PIWIL2: variants seen among roughly 807,000 people sequenced by gnomAD.
PIWIL2 encodes piwi-like protein 2.
In PIWIL2, 81 loss-of-function variants were observed where a neutral mutation model predicts 116.5. The ratio of observed to expected loss-of-function variants is 0.70; its 90% CI spans 0.58 to 0.84. The LOEUF (loss-of-function observed/expected upper bound fraction) is 0.84, where lower values mean the gene tolerates loss of function less well. Among genes scored for constraint, PIWIL2 ranks in the 40% least tolerant of loss-of-function variants. PIWIL2 has a pLI of 0.00. For synonymous variants in PIWIL2, 489 were observed against 429.5 expected (o/e 1.14, Z -1.71); for missense variants, 1,272 against 1,212.3 (o/e 1.05, Z -0.73).
intron 20 of PIWIL2, among the ~76,000 whole-genome samples, chr8:22,322,494 C>A (rs1359354776): frequency 6.6e-6 from 1 of 152,024 alleles, no homozygotes. Context: ...TCTCAAACTC[C>A]TGGCCTCAAG....
In PIWIL2 at chr8:22,353,204, C is replaced by G. The variant is rs1158060505; in HGVS notation, c.2649C>G (p.Ser883Arg). 6.2e-7 allele frequency: 1 copy of G among 1,610,538 alleles called. No individual in the cohort carries two copies. Among genetic ancestry groups the G allele is most frequent in the Admixed American group, 1.7e-5 (1 of 59,924 alleles). Residue 883 changes from serine (S) to arginine (R), a missense_variant, in exon 21 of 23, where the codon AGC becomes AGG. Ser to Arg is a moderately radical substitution (Grantham distance 110). Coordinates refer to ENST00000356766, the MANE Select transcript of PIWIL2 (RefSeq NM_018068.5). ...CTGTGGTAGATCATACAATAACAAG[C>G]TGTGAGTGGTAAGTGAGCAAAATAT... ...PGTVVDHTIT[S>R]CEWVDFYLLA...
intron 22 of PIWIL2, 21 bp downstream of exon 22, chr8:22,354,399 C>G (rs759892510): frequency 7.0e-7 from 1 of 1,438,178 alleles, no homozygotes; most frequent in Admixed American, 1.7e-5. Context: ...CAGTAACTTA[C>G]TCTTTCTCTT....
intron 20 of PIWIL2, among the ~76,000 whole-genome samples, chr8:22,348,200 C>T (rs1232145722): frequency 1.3e-5 from 2 of 151,540 alleles, no homozygotes; most frequent in South Asian, 2.1e-4. Context: ...ACTCGGGGGC[C>T]GAGGCAGGAG....
chr8:22,304,765 T>C lies in PIWIL2; in HGVS notation c.1371-19T>C, dbSNP rs377516778. The C allele has an allele frequency of 2.6e-6, 4 of 1,554,446 alleles. No individual in the cohort carries two copies. The African/African-American group carries it at 5.4e-5, about 21-fold the overall frequency. On this transcript the variant is annotated intron_variant, in intron 11 of 22. Coordinates refer to ENST00000356766, the MANE Select transcript of PIWIL2 (RefSeq NM_018068.5). ...TGATGCTGCTTCTGAAATTTTTTCCTGCCTCTACTCTGCTCTAGCAAAAAT... is the reference window on the plus strand; with the variant it reads ...TGATGCTGCTTCTGAAATTTTTTCCCGCCTCTACTCTGCTCTAGCAAAAAT...
At chr8:22,318,375 T>C in intron 20 of PIWIL2, 100 bp downstream of exon 20, 1 of 654,768 alleles carries the variant, frequency 1.5e-6, no homozygotes, top group South Asian at 1.9e-5. Context: ...TGGAGTGCAG[T>C]GGTGCGATCT....
At chr8:22,288,320 T>C (rs1830677796) in intron 7 of PIWIL2, among the ~76,000 whole-genome samples, 1 of 133,092 alleles carries the variant, frequency 7.5e-6, no homozygotes, top group African/African-American at 2.6e-5. Context: ...AAAAAAAAAT[T>C]GCAAATGTAA....
At chr8:22,336,741 A>G (rs1326845722) in intron 20 of PIWIL2, among the ~76,000 whole-genome samples, 1 of 152,198 alleles carries the variant, frequency 6.6e-6, no homozygotes, top group African/African-American at 2.4e-5. Flanking sequence ...CCCTGTCTCT[A>G]AAAATAATAT....
chr8:22,354,688 A>G (rs1157804957), intron 22 of PIWIL2, among the ~76,000 whole-genome samples: 1 of 152,216 alleles, frequency 6.6e-6, no homozygotes, highest in Non-Finnish European at 1.5e-5. Context: ...CGTTGAGTTC[A>G]GATTATATAA....
intron 16 of PIWIL2, 56 bp downstream of exon 16, chr8:22,311,356 CTTAATT>C: frequency 7.2e-7 from 1 of 1,389,964 alleles, no homozygotes; most frequent in African/African-American, 1.4e-5. Context: ...TACTTAAATA[CTTAATT>C]TTAATGTATC....
At chr8:22,324,123 G>A (rs558190725) in intron 20 of PIWIL2, among the ~76,000 whole-genome samples, 43 of 152,226 alleles carry the variant, frequency 2.8e-4, no homozygotes, top group African/African-American at 8.7e-4. Flanking sequence ...TTAGCTGGGC[G>A]TGGTGGTGGG....
At chr8:22,343,762 A>G (rs1035275683) in intron 20 of PIWIL2, among the ~76,000 whole-genome samples, 4 of 152,092 alleles carry the variant, frequency 2.6e-5, no homozygotes, top group Admixed American at 6.5e-5. Flanking sequence ...GTGTAGAGCC[A>G]TAGGAACGCT....
chr8:22,334,916 G>A (rs571073390), intron 20 of PIWIL2, among the ~76,000 whole-genome samples: 9 of 151,908 alleles, frequency 5.9e-5, no homozygotes, highest in East Asian at 2.0e-4. Context: ...TTAGGTGGGC[G>A]TGGTGGCGGG....
intron 20 of PIWIL2, among the ~76,000 whole-genome samples, chr8:22,333,255 G>A (rs1326047394): frequency 6.6e-6 from 1 of 152,152 alleles, no homozygotes; most frequent in East Asian, 1.9e-4. Flanking sequence ...TCAACAGCAA[G>A]CAATACCTAA....
In PIWIL2 at chr8:22,333,605, T is replaced by A. The variant is rs569452376; in HGVS notation, c.2403+15330T>A. Among the ~76,000 whole-genome samples, 65 of 152,116 alleles carry A rather than the reference T, an allele frequency of 4.3e-4. 2 individuals are homozygous for A. Among genetic ancestry groups the A allele is most frequent in the African/African-American group, 1.6e-3 (65 of 41,448 alleles). ...CCAGCCTGGGCAACAAGAGCGAGAC[T>A]CTGTCTCAAAAAACAAACAAAAAAA... On this transcript the variant is annotated intron_variant, in intron 20 of 22. Coordinates refer to ENST00000356766, the MANE Select transcript of PIWIL2 (RefSeq NM_018068.5).
chr8:22,356,071 CAA>C lies in PIWIL2; in HGVS notation c.*582_*583del, dbSNP rs10710520. On this transcript the variant is annotated 3_prime_UTR_variant, in exon 23 of 23. Coordinates refer to ENST00000356766, the MANE Select transcript of PIWIL2 (RefSeq NM_018068.5). ...CTGTTGACAAAGCAAGACTCTGTCT[CAA>C]AAAAAAAAAAAAAAAGCCAACATGA... 2.8e-4 allele frequency: 24 copies of C among 84,322 alleles called. No individual in the cohort carries two copies. The highest frequency in any genetic ancestry group is 2.7e-4 in the Non-Finnish European group (11 of 40,510). The allele number at this position is 84,322 out of a possible 1,614,324, so 5.2% of individuals were successfully genotyped here. A position where few individuals can be genotyped will look rare whatever the true frequency, so the allele number is the denominator to read the frequency against.
chr8:22,282,467 C>T (rs1475219365), intron 4 of PIWIL2, among the ~76,000 whole-genome samples: 3 of 152,042 alleles, frequency 2.0e-5, no homozygotes, highest in African/African-American at 2.4e-5. Context: ...GGATTATAGG[C>T]GTGAGCCCCT....
At chr8:22,312,785 C>T (rs747857108) in intron 16 of PIWIL2, among the ~76,000 whole-genome samples, 10 of 152,018 alleles carry the variant, frequency 6.6e-5, no homozygotes, top group Non-Finnish European at 1.5e-4. Context: ...TAACTGTACA[C>T]GTGCACCACC....
At chr8:22,337,006 A>G (rs772429272) in intron 20 of PIWIL2, among the ~76,000 whole-genome samples, 12 of 152,218 alleles carry the variant, frequency 7.9e-5, no homozygotes, top group Non-Finnish European at 1.6e-4. Flanking sequence ...CTAAATGGAC[A>G]CATCCCTGGA....
chr8:22,337,598 G>T (rs980062695), intron 20 of PIWIL2, among the ~76,000 whole-genome samples: 1 of 151,584 alleles, frequency 6.6e-6, no homozygotes, highest in African/African-American at 2.4e-5. Context: ...GGGCGTGGTG[G>T]TGCATGCCTG....
Sources: gnomAD v4.1 joint callset for allele counts (sites outside exome capture counted in the v4.1 genomes callset) on GRCh38, gnomAD v4.1.1 for gene constraint, MANE v1.5 for transcripts, NCBI Gene and HGNC (gene_info 2026-07-23, HGNC 2026-07-21) for gene names.